Variants in EPB41L4A observed in about 807,000 individuals in gnomAD.
EPB41L4A encodes the protein band 4.1-like protein 4A.
EPB41L4A carries 100 observed loss-of-function variants against 108.6 expected under a neutral mutation model. That is an observed-to-expected ratio of 0.92 (90% confidence interval 0.78 to 1.09). The LOEUF is 1.09. EPB41L4A is among the 50% of genes least tolerant of loss of function. EPB41L4A has a pLI of 0.00. For missense variants in EPB41L4A, 1,030 were observed against 842.7 expected, an observed-to-expected ratio of 1.22 and a Z score of -2.75; for synonymous variants, 319 against 289.0, an observed-to-expected ratio of 1.10 and a Z score of -1.05.
At chr5:112,343,484 G>C (rs1385581442) in intron 1 of EPB41L4A, among the ~76,000 whole-genome samples, 2 of 152,070 alleles carry the variant, frequency 1.3e-5, no homozygotes, top group African/African-American at 4.8e-5. Context: ...TGTATGTAAA[G>C]TACTTAGCGA....
chr5:112,148,150 AATAAT>A (rs1184444850), intron 12 of EPB41L4A, among the ~76,000 whole-genome samples: 6 of 147,924 alleles, frequency 4.1e-5, no homozygotes, highest in East Asian at 1.9e-4. Flanking sequence ...TATATAATAT[AATAAT>A]ATAATAGTAT....
At chr5:112,283,402 G>T (rs1366134431) in intron 2 of EPB41L4A, among the ~76,000 whole-genome samples, 1 of 152,192 alleles carries the variant, frequency 6.6e-6, no homozygotes. Flanking sequence ...CCAAGGGAAA[G>T]ATGTGACCTT....
Position 112,164,082 on chromosome 5 carries a change from G to C in EPB41L4A, c.*908C>G, listed in dbSNP as rs1412182219. The stretch of plus-strand genomic sequence containing the variant: ...CAGGTGAATTAGATGGCCAAGCAGG[G>C]TGGATGGATCATTTGAGGTTTGGGG... On this transcript the variant is annotated 3_prime_UTR_variant, in exon 23 of 23. Transcript: ENST00000261486. 1 of 152,226 alleles carries C rather than the reference G, an allele frequency of 6.6e-6. No homozygotes were observed. The highest frequency in any genetic ancestry group is 1.5e-5 in the Non-Finnish European group (1 of 68,066). 9.4% of individuals were successfully genotyped at this position (152,226 alleles called of 1,614,324 possible).
intron 1 of EPB41L4A, among the ~76,000 whole-genome samples, chr5:112,332,065 T>C (rs1159141907): frequency 3.3e-5 from 5 of 152,216 alleles, no homozygotes; most frequent in Admixed American, 3.3e-4. Context: ...ATCTAAGGGA[T>C]CTGGTGTGTG....
At chr5:112,359,733 G>A (rs1319649176) in intron 1 of EPB41L4A, among the ~76,000 whole-genome samples, 1 of 152,028 alleles carries the variant, frequency 6.6e-6, no homozygotes, top group African/African-American at 2.4e-5. Flanking sequence ...GTAGAGACGG[G>A]GTTTCACCGT....
chr5:112,190,606 G>A (rs2150251664), intron 17 of EPB41L4A, among the ~76,000 whole-genome samples: 1 of 152,284 alleles, frequency 6.6e-6, no homozygotes, highest in African/African-American at 2.4e-5. Flanking sequence ...GTGGGTATAG[G>A]ACTACGTGGC....
intron 10 of EPB41L4A, 59 bp from the exon 11 acceptor site, chr5:112,239,796 A>G: frequency 2.6e-6 from 3 of 1,146,374 alleles, no homozygotes; most frequent in Non-Finnish European, 3.8e-6. Flanking sequence ...ATTCTGGGCC[A>G]CCCCCTTCTC....
chr5:112,383,030 G>A (rs1760273512), intron 1 of EPB41L4A, among the ~76,000 whole-genome samples: 1 of 152,174 alleles, frequency 6.6e-6, no homozygotes, highest in Non-Finnish European at 1.5e-5. Context: ...AAGGCAAGAG[G>A]TAATAAATGC....
intron 9 of EPB41L4A, among the ~76,000 whole-genome samples, chr5:112,253,459 G>A (rs978851838): frequency 6.6e-6 from 1 of 152,134 alleles, no homozygotes; most frequent in Admixed American, 6.6e-5. Context: ...GATTAAAGGA[G>A]GTTATCTGAA....
At chr5:112,156,985 G>C (rs1759669548) in intron 12 of EPB41L4A, among the ~76,000 whole-genome samples, 2 of 152,228 alleles carry the variant, frequency 1.3e-5, no homozygotes, top group East Asian at 1.9e-4. Flanking sequence ...AAAGATCATG[G>C]TGTCTGCGTG....
chr5:112,220,352 A>G (rs757885689), intron 12 of EPB41L4A, among the ~76,000 whole-genome samples: 4 of 152,170 alleles, frequency 2.6e-5, no homozygotes, highest in Non-Finnish European at 5.9e-5. Context: ...TTAGAAAAGG[A>G]TATGTCACTT....
chr5:112,400,786 C>T (rs374570360), intron 1 of EPB41L4A, among the ~76,000 whole-genome samples: 128 of 152,212 alleles, frequency 8.4e-4, no homozygotes, highest in African/African-American at 3.1e-3. Flanking sequence ...TTGTATCCCC[C>T]ACAACAGCCT....
chr5:112,354,800 G>C (rs1758267696), intron 1 of EPB41L4A, among the ~76,000 whole-genome samples: 1 of 152,090 alleles, frequency 6.6e-6, no homozygotes, highest in African/African-American at 2.4e-5. Flanking sequence ...TGGCTTAATT[G>C]ATGTTGTAGT....
chr5:112,387,296 T>G (rs1434307443), intron 1 of EPB41L4A, among the ~76,000 whole-genome samples: 3 of 152,264 alleles, frequency 2.0e-5, no homozygotes, highest in East Asian at 1.9e-4. Context: ...TCCCATCAAT[T>G]TAAGTATCTA....
intron 4 of EPB41L4A, among the ~76,000 whole-genome samples, chr5:112,274,470 G>A (rs577622538): frequency 1.2e-4 from 18 of 152,228 alleles, no homozygotes; most frequent in African/African-American, 4.3e-4. Context: ...TCTTCTGTGT[G>A]CAGTCCAGAA....
At chr5:112,177,831 A>G (rs535438617) in intron 18 of EPB41L4A, among the ~76,000 whole-genome samples, 23 of 152,306 alleles carry the variant, frequency 1.5e-4, no homozygotes, top group African/African-American at 5.5e-4. Flanking sequence ...TATAGGTAAG[A>G]TATCAGTAGA....
intron 1 of EPB41L4A, among the ~76,000 whole-genome samples, chr5:112,408,101 T>G (rs149347045): frequency 1.3e-5 from 2 of 152,306 alleles, no homozygotes; most frequent in South Asian, 2.1e-4. Flanking sequence ...CAGAGTTAAC[T>G]CCTCACATTT....
intron 1 of EPB41L4A, among the ~76,000 whole-genome samples, chr5:112,352,364 A>C (rs1244172303): frequency 1.3e-5 from 2 of 152,232 alleles, no homozygotes; most frequent in Non-Finnish European, 2.9e-5. Context: ...CCACTGACCC[A>C]ATGGTCACTC....
At chr5:112,305,777 T>C (rs186954977) in intron 2 of EPB41L4A, among the ~76,000 whole-genome samples, 3 of 152,286 alleles carry the variant, frequency 2.0e-5, no homozygotes, top group Admixed American at 2.0e-4. Flanking sequence ...ACTTTTTTCA[T>C]GTCATTTGCA....
Sources: allele counts gnomAD v4.1 joint callset (sites outside exome capture counted in the v4.1 genomes callset), GRCh38; gene constraint gnomAD v4.1.1; transcripts MANE v1.5; gene names NCBI Gene and HGNC (gene_info 2026-07-23, HGNC 2026-07-21).